ADCYAP1R1: variants seen among roughly 807,000 people sequenced by gnomAD.
ADCYAP1R1 encodes pituitary adenylate cyclase-activating polypeptide type I receptor.
ADCYAP1R1 carries 44 observed loss-of-function variants against 67.6 expected under a neutral mutation model. The ratio of observed to expected loss-of-function variants is 0.65; its 90% CI spans 0.51 to 0.84. ADCYAP1R1 has a LOEUF of 0.84. Among genes scored for constraint, ADCYAP1R1 ranks in the 40% least tolerant of loss-of-function variants. ADCYAP1R1 has a pLI of 0.00. For synonymous variants in ADCYAP1R1, 222 were observed against 219.6 expected, an observed-to-expected ratio of 1.01 and a Z score of -0.10; for missense variants, 477 against 587.9, an observed-to-expected ratio of 0.81 and a Z score of 1.95.
intron 13 of ADCYAP1R1, 125 bp from the exon 14 acceptor site, chr7:31,103,112 G>T: frequency 7.4e-7 from 1 of 1,347,196 alleles, no homozygotes; most frequent in South Asian, 1.4e-5. Context: ...ATGCTGAGGG[G>T]TCTGTGGACA....
chr7:31,103,649 G>A (rs1201274182), intron 14 of ADCYAP1R1, among the ~76,000 whole-genome samples: 2 of 152,218 alleles, frequency 1.3e-5, no homozygotes, highest in Non-Finnish European at 2.9e-5. Flanking sequence ...GGTGCAGGGT[G>A]GAGTGTCCTC....
intron 1 of ADCYAP1R1, among the ~76,000 whole-genome samples, chr7:31,062,782 C>T (rs1359768774): frequency 2.0e-5 from 3 of 152,208 alleles, no homozygotes; most frequent in Non-Finnish European, 2.9e-5. Context: ...CTAATAACTT[C>T]ATCATGTGCC....
intron 6 of ADCYAP1R1, among the ~76,000 whole-genome samples, 189 bp downstream of exon 6, chr7:31,081,943 G>A (rs74777472): frequency 3.9e-4 from 59 of 152,312 alleles, no homozygotes; most frequent in African/African-American, 1.3e-3. Flanking sequence ...ATAGAACATC[G>A]TGTGTAGAAT....
At chr7:31,087,755 G>C (rs964310909) in intron 12 of ADCYAP1R1, 59 bp downstream of exon 12, 4 of 1,415,702 alleles carry the variant, frequency 2.8e-6, no homozygotes, top group Non-Finnish European at 4.0e-6. Context: ...AGAAAGGCAC[G>C]CGAGGAAGAG....
intron 3 of ADCYAP1R1, among the ~76,000 whole-genome samples, chr7:31,066,199 A>T (rs1245574241): frequency 6.6e-6 from 1 of 152,088 alleles, no homozygotes; most frequent in East Asian, 1.9e-4. Context: ...TGTGGATCAC[A>T]TGGAGGATCA....
chr7:31,087,969 A>G (rs1005265571), intron 12 of ADCYAP1R1, among the ~76,000 whole-genome samples: 4 of 152,354 alleles, frequency 2.6e-5, no homozygotes, highest in East Asian at 3.9e-4. Context: ...AAATCCTTAG[A>G]AGTGGAATTG....
At chr7:31,080,527 C>A in intron 4 of ADCYAP1R1, 86 bp from the exon 5 acceptor site, 1 of 1,394,974 alleles carries the variant, frequency 7.2e-7, no homozygotes, top group Non-Finnish European at 9.9e-7. Flanking sequence ...AAGTGATCAG[C>A]AAGACCCAAG....
intron 14 of ADCYAP1R1, among the ~76,000 whole-genome samples, chr7:31,104,324 CT>C (rs1004562970): frequency 2.6e-5 from 4 of 152,176 alleles, no homozygotes; most frequent in Admixed American, 2.6e-4. Flanking sequence ...AATGCTCCTG[CT>C]TTTTTGGTGT....
chr7:31,080,690 C>T (rs1262335004), intron 5 of ADCYAP1R1, 57 bp downstream of exon 5: 2 of 1,588,132 alleles, frequency 1.3e-6, no homozygotes, highest in African/African-American at 2.7e-5. Flanking sequence ...CAGCAGGAGC[C>T]CAGCCTCAGG....
In ADCYAP1R1 at chr7:31,078,168, A is replaced by C. The variant is rs115677449; in HGVS notation, c.265+70A>C. 5.9e-4 allele frequency: 789 copies of C among 1,342,220 alleles called. 3 individuals are homozygous for C. In the African/African-American group the frequency reaches 0.01, roughly 18 times the overall value. 83.1% of individuals were successfully genotyped at this position (1,342,220 alleles called of 1,614,324 possible). A position where few individuals can be genotyped will look rare whatever the true frequency, so the allele number is the denominator to read the frequency against. On this transcript the variant is annotated intron_variant, in intron 4 of 15. Coordinates refer to ENST00000304166, the MANE Select transcript of ADCYAP1R1 (RefSeq NM_001118.5). ...TCCCCAAATTCGGCCCCAGGCAAGC[A>C]CCAAGGACAGGGAGGCCACCCTGTG...
chr7:31,079,622 A>C (rs2128626895), intron 4 of ADCYAP1R1, among the ~76,000 whole-genome samples: 1 of 152,252 alleles, frequency 6.6e-6, no homozygotes, highest in Non-Finnish European at 1.5e-5. Context: ...TCTGTCCTGG[A>C]GGGGGAGGGG....
Position 31,106,514 on chromosome 7 carries a change from C to G in ADCYAP1R1, c.1237C>G (p.Arg413Gly), listed in dbSNP as rs142088943. ...LNGEVQAEIK[R>G]KWRSWKVNRY... ...CCTGCAGGTACAAGCGGAGATCAAGCGAAAATGGCGAAGCTGGAAGGTGAA... is the reference window on the plus strand; with the variant it reads ...CCTGCAGGTACAAGCGGAGATCAAGGGAAAATGGCGAAGCTGGAAGGTGAA... Residue 413 changes from arginine (R) to glycine (G), a missense_variant, in exon 16 of 16, where the codon CGA (arginine) becomes GGA (glycine). Coordinates refer to ENST00000304166, the MANE Select transcript of ADCYAP1R1 (RefSeq NM_001118.5). 19 of 1,610,172 alleles carry G rather than the reference C, an allele frequency of 1.2e-5. No homozygotes were observed. Among genetic ancestry groups the G allele is most frequent in the Non-Finnish European group, 1.4e-5 (16 of 1,178,062 alleles).
At chr7:31,079,379 C>T (rs943378292) in intron 4 of ADCYAP1R1, among the ~76,000 whole-genome samples, 1 of 152,192 alleles carries the variant, frequency 6.6e-6, no homozygotes, top group Non-Finnish European at 1.5e-5. Context: ...GCCATCAAGC[C>T]ATGGGCGGGG....
At chr7:31,053,316 G>A (rs1794104016) in intron 1 of ADCYAP1R1, among the ~76,000 whole-genome samples, 1 of 152,234 alleles carries the variant, frequency 6.6e-6, no homozygotes, top group Non-Finnish European at 1.5e-5. Flanking sequence ...GGGCTTCAGT[G>A]GTCCCCAGAA....
At chr7:31,078,202 G>T (rs1562640131) in intron 4 of ADCYAP1R1, 104 bp downstream of exon 4, 4 of 825,566 alleles carry the variant, frequency 4.8e-6, no homozygotes, top group African/African-American at 1.7e-5. Flanking sequence ...TGGGCAGACA[G>T]TCCCTGCTCC....
chr7:31,084,195 C>G lies in ADCYAP1R1; in HGVS notation c.383C>G (p.Pro128Arg). The change falls in exon 7 of 16, where the codon CCT becomes CGT. Residue 128 changes from proline to arginine, a missense_variant. By Grantham distance (103) the Pro-to-Arg change is moderately radical (BLOSUM62 -2). Coordinates refer to ENST00000304166, the MANE Select transcript of ADCYAP1R1 (RefSeq NM_001118.5). Reference sequence around the variant, plus strand: ...GAGGATGGCTGGTCGGAACCCTTCCCTCATTACTTTGATGCCTGTGGGTTT... The same window carrying G: ...GAGGATGGCTGGTCGGAACCCTTCCGTCATTACTTTGATGCCTGTGGGTTT... The part of the protein sequence containing the change: ...CTEDGWSEPF[P>R]HYFDACGFDE... The G allele has an allele frequency of 6.2e-7, 1 of 1,614,156 alleles. No homozygotes were observed. Among genetic ancestry groups the G allele is most frequent in the Non-Finnish European group, 8.5e-7 (1 of 1,180,036 alleles).
At chr7:31,087,604 G>A in intron 11 of ADCYAP1R1, 23 bp from the exon 12 acceptor site, 1 of 1,612,632 alleles carries the variant, frequency 6.2e-7, no homozygotes, top group Non-Finnish European at 8.5e-7. Context: ...ACGTGATCTT[G>A]CTTCTCTCTG....
intron 2 of ADCYAP1R1, 72 bp from the exon 3 acceptor site, chr7:31,064,759 G>A: frequency 1.6e-6 from 2 of 1,277,172 alleles, no homozygotes; most frequent in Admixed American, 3.9e-5. Context: ...CACTGCCCCT[G>A]GGGCTTTGGT....
intron 3 of ADCYAP1R1, among the ~76,000 whole-genome samples, chr7:31,069,163 C>G (rs935364565): frequency 6.6e-6 from 1 of 152,192 alleles, no homozygotes; most frequent in African/African-American, 2.4e-5. Context: ...CAGCATCCAC[C>G]AGGGTACTCA....
Sources: gnomAD v4.1 joint callset for allele counts (sites outside exome capture counted in the v4.1 genomes callset) on GRCh38, gnomAD v4.1.1 for gene constraint, MANE v1.5 for transcripts, NCBI Gene and HGNC (gene_info 2026-07-23, HGNC 2026-07-21) for gene names.